The following TOX variants were observed in gnomAD, a reference collection of about 807,000 sequenced individuals.
TOX encodes the protein thymocyte selection associated high mobility group box.
In TOX, 11 loss-of-function variants were observed where a neutral mutation model predicts 53.7. The observed-to-expected ratio is 0.20, with a 90% CI of 0.13 to 0.34. The LOEUF is 0.34. Ranked by LOEUF, TOX falls within the 10% of genes least tolerant of loss-of-function variation. The pLI, the probability that TOX is intolerant of heterozygous loss-of-function variation, is 1.00. For synonymous variants in TOX, 225 were observed against 245.3 expected, an observed-to-expected ratio of 0.92 and a Z score of 0.77; for missense variants, 570 against 664.6, an observed-to-expected ratio of 0.86 and a Z score of 1.56.
rs1225235070 is a variant in TOX at position 58,868,249 on chromosome 8, A to G, written c.412-16444T>C. On this transcript the variant is annotated intron_variant, in intron 3 of 8. Transcript: ENST00000361421. ...CCCTCCCATGTGGAACTGTGAGTTC[A>G]TTAAACCTCTCTTTTCTTTATAAAT... 2.0e-5 allele frequency among the ~76,000 whole-genome samples: 3 copies of G among 152,282 alleles called. No homozygotes were observed. In the East Asian group the frequency reaches 5.8e-4, roughly 29 times the overall value.
chr8:58,837,589 T>C (rs925664252), intron 5 of TOX, among the ~76,000 whole-genome samples: 1 of 152,170 alleles, frequency 6.6e-6, no homozygotes, highest in Non-Finnish European at 1.5e-5. Flanking sequence ...AAAAATATGG[T>C]GTAAATACAT....
At chr8:58,889,825 A>G (rs1412681203) in intron 3 of TOX, among the ~76,000 whole-genome samples, 1 of 152,242 alleles carries the variant, frequency 6.6e-6, no homozygotes, top group East Asian at 1.9e-4. Context: ...TTATTTCAAA[A>G]TCAACAGAAA....
At chr8:58,920,736 AGAAAAAAAAGAAG>A (rs1812055493) in intron 3 of TOX, among the ~76,000 whole-genome samples, 1 of 75,562 alleles carries the variant, frequency 1.3e-5, no homozygotes, top group African/African-American at 3.9e-5. Context: ...AAAAAAAAAA[AGAAAAAAAAGAAG>A]AAAAAAAAAA....
chr8:59,045,304 C>T (rs551529501), intron 1 of TOX, among the ~76,000 whole-genome samples: 1 of 152,274 alleles, frequency 6.6e-6, no homozygotes, highest in South Asian at 2.1e-4. Flanking sequence ...AAGAGAGTTT[C>T]ACCTTTGATA....
At chr8:59,021,023 G>C (rs1814115584) in intron 1 of TOX, among the ~76,000 whole-genome samples, 1 of 150,388 alleles carries the variant, frequency 6.6e-6, no homozygotes, top group Non-Finnish European at 1.5e-5. Context: ...GCTGAGGCCA[G>C]GGAATCATTT....
chr8:58,961,712 G>A (rs917368756), intron 1 of TOX, among the ~76,000 whole-genome samples: 2 of 152,074 alleles, frequency 1.3e-5, no homozygotes, highest in Non-Finnish European at 2.9e-5. Context: ...ATTTTTAGTA[G>A]AGGCAGGGTC....
rs772168584 is a variant in TOX at position 58,815,540 on chromosome 8, G to T, written c.1190C>A (p.Ala397Asp). ...TGGCATTTGGTTATTCGGCTTGGGG[G>T]CTATGTTCCTGGGGAGACTAGGATG... ...AMHPSLPRNI[A>D]PKPNNQMPVT... The change falls in exon 7 of 9, where the codon GCC (alanine) becomes GAC (aspartate). Residue 397 changes from alanine (A) to aspartate (D), a missense_variant. Physicochemically the swap from Ala to Asp is moderately radical, Grantham distance 126. Around this residue, in one of 3 missense-constraint regions of TOX, gnomAD observed 239 missense variants for 250.7 expected, o/e 0.95. Transcript: ENST00000361421. 2 of 1,614,142 alleles carry T rather than the reference G, an allele frequency of 1.2e-6. No individual in the cohort carries two copies. The highest frequency in any genetic ancestry group is 1.1e-5 in the South Asian group (1 of 91,078).
intron 3 of TOX, among the ~76,000 whole-genome samples, chr8:58,891,842 T>C (rs1811566003): frequency 6.6e-6 from 1 of 152,206 alleles, no homozygotes; most frequent in Non-Finnish European, 1.5e-5. Flanking sequence ...TAGCACTCTT[T>C]GCCGTGGCAG....
intron 1 of TOX, among the ~76,000 whole-genome samples, chr8:59,044,837 C>A (rs927096283): frequency 6.6e-6 from 1 of 152,176 alleles, no homozygotes; most frequent in Non-Finnish European, 1.5e-5. Flanking sequence ...TAAACAACTC[C>A]TTATCAAACA....
chr8:58,830,911 AT>A (rs2129166233), intron 5 of TOX, among the ~76,000 whole-genome samples: 1 of 152,292 alleles, frequency 6.6e-6, no homozygotes, highest in African/African-American at 2.4e-5. Context: ...TTTTTTAGAA[AT>A]TTAAAATTTT....
At chr8:59,013,613 G>A (rs1040906111) in intron 1 of TOX, among the ~76,000 whole-genome samples, 1 of 152,212 alleles carries the variant, frequency 6.6e-6, no homozygotes, top group East Asian at 1.9e-4. Context: ...GTTGCACTAC[G>A]TTGGCCAGGC....
intron 1 of TOX, among the ~76,000 whole-genome samples, chr8:59,029,172 T>C (rs569733393): frequency 1.4e-3 from 214 of 152,250 alleles, no homozygotes; most frequent in African/African-American, 5.0e-3. Context: ...TCTTTTCCTA[T>C]ACACTCTCAT....
chr8:58,833,526 G>C (rs1265562345), intron 5 of TOX, among the ~76,000 whole-genome samples: 1 of 152,182 alleles, frequency 6.6e-6, no homozygotes, highest in African/African-American at 2.4e-5. Flanking sequence ...TAAAAAAGAT[G>C]CTGAGGGTTG....
At chr8:59,006,467 A>G (rs1232628555) in intron 1 of TOX, among the ~76,000 whole-genome samples, 2 of 152,184 alleles carry the variant, frequency 1.3e-5, no homozygotes, top group Admixed American at 1.3e-4. Flanking sequence ...GAGAGGTAGG[A>G]GAAGAGAAAG....
intron 4 of TOX, among the ~76,000 whole-genome samples, chr8:58,848,607 T>C (rs979236118): frequency 6.6e-6 from 1 of 152,120 alleles, no homozygotes; most frequent in African/African-American, 2.4e-5. Flanking sequence ...ACTTTATGTG[T>C]CTTAAAGTAT....
intron 4 of TOX, among the ~76,000 whole-genome samples, chr8:58,846,786 A>AC (rs980415166): frequency 9.9e-5 from 15 of 152,118 alleles, no homozygotes; most frequent in Non-Finnish European, 1.5e-4. Flanking sequence ...CAGAAGACAA[A>AC]CCCCATGCCT....
intron 5 of TOX, 67 bp from the exon 6 acceptor site, chr8:58,826,969 AT>A: frequency 7.8e-7 from 1 of 1,274,744 alleles, no homozygotes; most frequent in Non-Finnish European, 1.1e-6. Flanking sequence ...GAAGTACAAT[AT>A]AGAATGATAA....
intron 1 of TOX, among the ~76,000 whole-genome samples, chr8:59,114,675 CCCTTCTTTA>C (rs1332369605): frequency 2.6e-5 from 4 of 152,136 alleles, no homozygotes; most frequent in African/African-American, 9.7e-5. Flanking sequence ...TTATAACCCT[CCCTTCTTTA>C]CCTTCTTTCT....
intron 3 of TOX, among the ~76,000 whole-genome samples, chr8:58,880,148 A>C (rs1358387100): frequency 6.6e-6 from 1 of 152,192 alleles, no homozygotes; most frequent in Non-Finnish European, 1.5e-5. Context: ...TGTAAGGGAG[A>C]TACAAGAAGC....
Sources: gnomAD v4.1 joint callset for allele counts (sites outside exome capture counted in the v4.1 genomes callset) on GRCh38, gnomAD v4.1.1 for gene constraint, gnomAD v4.1.1 regional missense constraint, MANE v1.5 for transcripts, NCBI Gene and HGNC (gene_info 2026-07-23, HGNC 2026-07-21) for gene names.